Variants in LLPH observed in about 807,000 individuals in gnomAD.
The protein encoded by LLPH is LLP homolog, long-term synaptic facilitation factor.
LLPH carries 5 observed loss-of-function variants against 13.3 expected under a neutral mutation model. The observed-to-expected ratio is 0.38, with a 90% CI of 0.20 to 0.79. The LOEUF is 0.79. LLPH is among the 30% of genes least tolerant of loss of function. The pLI is 0.45. For missense variants in LLPH, 129 were observed against 152.1 expected (o/e 0.85, Z 0.80); for synonymous variants, 32 against 44.2 (o/e 0.72, Z 1.09).
rs2051460342 is a variant in LLPH at position 66,121,185 on chromosome 12, A to C, written c.*2655T>G. The C allele has an allele frequency of 6.6e-6, 1 of 152,188 alleles. No homozygotes were observed. The highest frequency in any genetic ancestry group is 2.1e-4 in the South Asian group (1 of 4,828). The allele number at this position is 152,188 out of a possible 1,614,324, so 9.4% of individuals were successfully genotyped here. On this transcript the variant is annotated 3_prime_UTR_variant, in exon 3 of 3. Transcript: ENST00000266604. ...AGAATCAAATTAGAGGTTATCAGCC[A>C]CAGAAAACATGAACATAACCCTGGC...
chr12:66,128,600 T>C (rs1303702676), intron 2 of LLPH, among the ~76,000 whole-genome samples: 2 of 152,180 alleles, frequency 1.3e-5, no homozygotes, highest in African/African-American at 4.8e-5. Flanking sequence ...GAGGCTATTG[T>C]ATAAGCACCA....
rs972745730 is a variant in LLPH, at chr12:66,124,077, A to C, written c.212-59T>G. On this transcript the variant is annotated intron_variant, in intron 2 of 2. Transcript: ENST00000266604. Reference sequence around the variant, plus strand: ...TGTATGAAAAAAACCACCCTGTGAAAGCATATTAATGCACTGAGAACATCA... The same window carrying C: ...TGTATGAAAAAAACCACCCTGTGAACGCATATTAATGCACTGAGAACATCA... 4 of 1,178,540 alleles carry C rather than the reference A, an allele frequency of 3.4e-6. No homozygotes were observed. The African/African-American group carries it at 6.1e-5, about 18-fold the overall frequency. 73.0% of individuals were successfully genotyped at this position (1,178,540 alleles called of 1,614,324 possible).
At chr12:66,126,066 T>C (rs2051494249) in intron 2 of LLPH, among the ~76,000 whole-genome samples, 1 of 152,180 alleles carries the variant, frequency 6.6e-6, no homozygotes, top group Non-Finnish European at 1.5e-5. Flanking sequence ...GGCTCACGCC[T>C]GTAATCCCAG....
In LLPH at chr12:66,120,411, AGTT is replaced by A. The variant is rs928719332; in HGVS notation, c.*3426_*3428del. On this transcript the variant is annotated 3_prime_UTR_variant, in exon 3 of 3. Coordinates refer to ENST00000266604, the MANE Select transcript of LLPH (RefSeq NM_032338.4). ...AATTTGAATCCCAGATTTCAGTTTT[AGTT>A]GTATGGCCTGTGTGCCTCAGTTTCC... 1.3e-5 allele frequency: 2 copies of A among 152,202 alleles called. No homozygotes were observed. Among genetic ancestry groups the A allele is most frequent in the African/African-American group, 2.4e-5 (1 of 41,448 alleles). The allele number at this position is 152,202 out of a possible 1,614,324, so 9.4% of individuals were successfully genotyped here.
intron 2 of LLPH, among the ~76,000 whole-genome samples, chr12:66,126,996 AG>A (rs1431042261): frequency 2.0e-5 from 3 of 152,178 alleles, no homozygotes; most frequent in African/African-American, 7.2e-5. Context: ...ATTAGTCATT[AG>A]GAAACTTCAA....
At chr12:66,130,404 G>A (rs1468753227) in intron 1 of LLPH, 2 of 152,284 alleles carry the variant, frequency 1.3e-5, no homozygotes, top group Non-Finnish European at 2.9e-5. Flanking sequence ...CCGCTCCCTT[G>A]TCTACATAAC....
At chr12:66,128,866 AAG>A (rs746673131) in intron 2 of LLPH, 28 bp downstream of exon 2, 3 of 1,474,874 alleles carry the variant, frequency 2.0e-6, no homozygotes, top group South Asian at 1.2e-5. Flanking sequence ...AAAAAAAAAA[AAG>A]AGAAAGAAAA....
rs1184884 is a variant in LLPH, at chr12:66,119,601, T to C, written c.*4239A>G. ...AGGGAAAAAGACATATATTTTGTGT[T>C]TAGCACAAATTTGAATCACTCTGCC... On this transcript the variant is annotated 3_prime_UTR_variant, in exon 3 of 3. Transcript: ENST00000266604. The C allele has an allele frequency of 0.51, 78,130 of 152,176 alleles. 21,502 individuals carry two copies. Among genetic ancestry groups the C allele is most frequent in the East Asian group, 0.85 (4,411 of 5,182 alleles). The allele number at this position is 152,176 out of a possible 1,614,324, so 9.4% of individuals were successfully genotyped here.
Position 66,128,919 on chromosome 12 carries a change from T to G in LLPH, c.188A>C (p.Gln63Pro). The G allele has an allele frequency of 6.2e-7, 1 of 1,612,532 alleles. No homozygotes were observed. The highest frequency in any genetic ancestry group is 8.5e-7 in the Non-Finnish European group (1 of 1,178,932). Residue 63 changes from glutamine to proline, a missense_variant, in exon 2 of 3, where the codon CAA (glutamine) becomes CCA (proline). Transcript: ENST00000266604. ...ACCTTTTTCATCTTTTACCTCACATTGCATTTTCTCTTGGCAATGTTTGGG... is the reference window on the plus strand; with the variant it reads ...ACCTTTTTCATCTTTTACCTCACATGGCATTTTCTCTTGGCAATGTTTGGG... ...PKPKHCQEKM[Q>P]CEVKDEKDDM...
In LLPH at chr12:66,119,693, T is replaced by C. The variant is rs2051451047; in HGVS notation, c.*4147A>G. ...CAACAGCTTAGCATCTGCATTTCTA[T>C]TGTAGTATTTATAAATTTGGCAATG... is the stretch of plus-strand genomic sequence containing the variant. On this transcript the variant is annotated 3_prime_UTR_variant, in exon 3 of 3. Coordinates refer to ENST00000266604, the MANE Select transcript of LLPH (RefSeq NM_032338.4). 1 of 152,238 alleles carries C rather than the reference T, an allele frequency of 6.6e-6. No individual in the cohort carries two copies. The allele number at this position is 152,238 out of a possible 1,614,324, so 9.4% of individuals were successfully genotyped here.
At chr12:66,126,609 A>T (rs2051498945) in intron 2 of LLPH, among the ~76,000 whole-genome samples, 1 of 152,126 alleles carries the variant, frequency 6.6e-6, no homozygotes, top group African/African-American at 2.4e-5. Context: ...TTCTCCAAAA[A>T]GATAATACAA....
At chr12:66,126,562 G>A (rs145037739) in intron 2 of LLPH, among the ~76,000 whole-genome samples, 42 of 152,152 alleles carry the variant, frequency 2.8e-4, no homozygotes, top group East Asian at 1.2e-3. Context: ...GACAAACAAC[G>A]TAATTGAAAA....
intron 2 of LLPH, 144 bp from the exon 3 acceptor site, chr12:66,124,162 T>G: frequency 3.4e-6 from 2 of 583,800 alleles, no homozygotes; most frequent in East Asian, 2.8e-5. Context: ...TAAAGAATGT[T>G]GGCATGACTG....
chr12:66,120,715 CA>C lies in LLPH; in HGVS notation c.*3124del, dbSNP rs2051457976. 6.6e-6 allele frequency: 1 copy of C among 151,962 alleles called. No individual in the cohort carries two copies. Among genetic ancestry groups the C allele is most frequent in the Non-Finnish European group, 1.5e-5 (1 of 67,992 alleles). 9.4% of individuals were successfully genotyped at this position (151,962 alleles called of 1,614,324 possible). A position where few individuals can be genotyped will look rare whatever the true frequency, so the allele number is the denominator to read the frequency against. On this transcript the variant is annotated 3_prime_UTR_variant, in exon 3 of 3. Transcript: ENST00000266604. ...CAGCAATTCTCTGGAAAATGTCAGT[CA>C]AAAAGATGACAAATTTCAAAAAAAT...
rs767809624 is a variant in LLPH at position 66,117,195 on chromosome 12, T to A, written c.*6645A>T. ...GGCTTCGTCCTGAGATAAAAAATAT[T>A]CAAAAGAAAACTACAGTTGCATCTG... On this transcript the variant is annotated 3_prime_UTR_variant, in exon 3 of 3. Transcript: ENST00000266604. 2 of 152,210 alleles carry A rather than the reference T, an allele frequency of 1.3e-5. No individual in the cohort carries two copies. Among genetic ancestry groups the A allele is most frequent in the Non-Finnish European group, 2.9e-5 (2 of 68,038 alleles). 9.4% of individuals were successfully genotyped at this position (152,210 alleles called of 1,614,324 possible).
chr12:66,121,194 A>G lies in LLPH; in HGVS notation c.*2646T>C, dbSNP rs1256486028. 8 of 152,288 alleles carry G rather than the reference A, an allele frequency of 5.3e-5. No homozygotes were observed. Among genetic ancestry groups the G allele is most frequent in the Non-Finnish European group, 1.0e-4 (7 of 68,026 alleles). 9.4% of individuals were successfully genotyped at this position (152,288 alleles called of 1,614,324 possible). A position where few individuals can be genotyped will look rare whatever the true frequency, so the allele number is the denominator to read the frequency against. On this transcript the variant is annotated 3_prime_UTR_variant, in exon 3 of 3. Transcript: ENST00000266604. ...TTAGAGGTTATCAGCCACAGAAAAC[A>G]TGAACATAACCCTGGCATTGGTCTC...
At position 66,120,663 on chromosome 12, in the gene LLPH, T is replaced by G; in HGVS notation, c.*3177A>C. The G allele has an allele frequency of 6.6e-6, 1 of 152,226 alleles. No homozygotes were observed. Among genetic ancestry groups the G allele is most frequent in the Non-Finnish European group, 1.5e-5 (1 of 68,036 alleles). 9.4% of individuals were successfully genotyped at this position (152,226 alleles called of 1,614,324 possible). A position where few individuals can be genotyped will look rare whatever the true frequency, so the allele number is the denominator to read the frequency against. On this transcript the variant is annotated 3_prime_UTR_variant, in exon 3 of 3. Transcript: ENST00000266604. The stretch of plus-strand genomic sequence containing the variant: ...TCTAATTCCAAAATGATTTGGTGCT[T>G]AGCTTGAGCTCCATCTTGTGGCTTT...
rs772514352 is a variant in LLPH at position 66,128,922 on chromosome 12, A to G, written c.185T>C (p.Met62Thr). ...VPKPKHCQEK[M>T]QCEVKDEKDD... ...TTTTTCATCTTTTACCTCACATTGC[A>G]TTTTCTCTTGGCAATGTTTGGGTTT... The change falls in exon 2 of 3, where the codon ATG (methionine) becomes ACG (threonine). Residue 62 changes from methionine to threonine, a missense_variant. By Grantham distance (81) the Met-to-Thr change is moderately conservative. Coordinates refer to ENST00000266604, the MANE Select transcript of LLPH (RefSeq NM_032338.4). 3 of 1,611,918 alleles carry G rather than the reference A, an allele frequency of 1.9e-6. No individual in the cohort carries two copies. Among genetic ancestry groups the G allele is most frequent in the Non-Finnish European group, 2.5e-6 (3 of 1,178,942 alleles).
At chr12:66,126,038 C>G (rs1028001080) in intron 2 of LLPH, among the ~76,000 whole-genome samples, 4 of 152,014 alleles carry the variant, frequency 2.6e-5, no homozygotes, top group African/African-American at 4.8e-5. Context: ...GAAAAAGGAA[C>G]AGTAGGCCAG....
Sources: gnomAD v4.1 joint callset for allele counts (sites outside exome capture counted in the v4.1 genomes callset) on GRCh38, gnomAD v4.1.1 for gene constraint, MANE v1.5 for transcripts, NCBI Gene and HGNC (gene_info 2026-07-23, HGNC 2026-07-21) for gene names.